Variants in ANGPT2 observed in about 807,000 individuals in gnomAD.
ANGPT2 encodes angiopoietin 2.
In ANGPT2, 28 loss-of-function variants were observed where a neutral mutation model predicts 62.9. That is an observed-to-expected ratio of 0.44 (90% CI 0.33 to 0.61). ANGPT2 has a LOEUF of 0.61. ANGPT2 is among the 20% of genes least tolerant of loss of function. The pLI is 0.03. For synonymous variants in ANGPT2, 284 were observed against 207.8 expected (o/e 1.37, Z -3.15); for missense variants, 727 against 594.9 (o/e 1.22, Z -2.31).
intron 1 of ANGPT2, among the ~76,000 whole-genome samples, chr8:6,537,954 A>T (rs1430604158): frequency 6.6e-6 from 1 of 152,142 alleles, no homozygotes; most frequent in African/African-American, 2.4e-5. Flanking sequence ...TGAGTGACCT[A>T]AGGTGGACAA....
intron 1 of ANGPT2, among the ~76,000 whole-genome samples, chr8:6,536,658 A>G (rs17552444): frequency 0.22 from 33,460 of 152,162 alleles, 4,785 homozygotes; most frequent in Middle Eastern, 0.39. Context: ...TGTCCATCAT[A>G]TAGTATAAAA....
At chr8:6,511,612 G>T (rs995191343) in intron 7 of ANGPT2, among the ~76,000 whole-genome samples, 6 of 152,226 alleles carry the variant, frequency 3.9e-5, no homozygotes, top group African/African-American at 1.4e-4. Context: ...GCAGTTATGA[G>T]AAGTTTCAGT....
intron 1 of ANGPT2, 42 bp downstream of exon 1, chr8:6,562,605 C>T: frequency 2.3e-6 from 2 of 885,278 alleles, no homozygotes; most frequent in Non-Finnish European, 1.5e-6. Context: ...CCAAGCTGAT[C>T]TTAATAGCAT....
At chr8:6,550,578 T>C (rs1271947588) in intron 1 of ANGPT2, among the ~76,000 whole-genome samples, 3 of 152,144 alleles carry the variant, frequency 2.0e-5, no homozygotes, top group East Asian at 1.9e-4. Context: ...GTGCTTCTGG[T>C]GTGACAGCTG....
intron 1 of ANGPT2, among the ~76,000 whole-genome samples, chr8:6,546,347 C>T (rs1822572897): frequency 1.3e-5 from 2 of 152,274 alleles, no homozygotes; most frequent in Admixed American, 6.5e-5. Context: ...TCAGCTTGTA[C>T]CTCTGTAAAG....
intron 1 of ANGPT2, among the ~76,000 whole-genome samples, chr8:6,535,912 C>T (rs538735194): frequency 5.0e-4 from 75 of 150,658 alleles, no homozygotes; most frequent in African/African-American, 1.7e-3. Flanking sequence ...AAAAAATTAG[C>T]TTGGCCTGGT....
At chr8:6,514,650 T>G (rs1213334059) in intron 6 of ANGPT2, 27 bp downstream of exon 6, 2 of 1,596,664 alleles carry the variant, frequency 1.3e-6, no homozygotes, top group Non-Finnish European at 1.7e-6. Context: ...GGAAATTCTT[T>G]TCTGATGCCT....
In ANGPT2 at chr8:6,526,543, G is replaced by T. The variant is rs571559310; in HGVS notation, c.566+1012C>A. 1.6e-4 allele frequency among the ~76,000 whole-genome samples: 25 copies of T among 152,120 alleles called. No homozygotes were observed. In the South Asian group the frequency reaches 5.0e-3, roughly 30 times the overall value. On this transcript the variant is annotated intron_variant, in intron 3 of 8. Transcript: ENST00000629816. ...TAGAGGAGAAATCTGAAACATGAAA[G>T]AAAAATATTTGAATTTTAAAAATCT... is the stretch of plus-strand genomic sequence containing the variant.
At chr8:6,520,962 C>A (rs1327889141) in intron 4 of ANGPT2, among the ~76,000 whole-genome samples, 10 of 152,146 alleles carry the variant, frequency 6.6e-5, no homozygotes. Context: ...CTCTTTACTG[C>A]CATGAATCAA....
At chr8:6,513,113 C>T (rs966873688) in intron 7 of ANGPT2, among the ~76,000 whole-genome samples, 8 of 152,176 alleles carry the variant, frequency 5.3e-5, no homozygotes, top group Non-Finnish European at 1.0e-4. Flanking sequence ...CAATTATCTA[C>T]CAGGCAGAGT....
At position 6,505,839 on chromosome 8, in the gene ANGPT2, A is replaced by T. The variant is rs905883066; in HGVS notation, c.1328-2578T>A. Among the ~76,000 whole-genome samples the T allele has an allele frequency of 5.0e-5, 7 of 139,614 alleles. 1 individual carries two copies. The highest frequency in any genetic ancestry group is 1.5e-4 in the Admixed American group (2 of 13,642). The allele number at this position is 139,614 out of a possible 152,430, so 91.6% of individuals were successfully genotyped here. A position where few individuals can be genotyped will look rare whatever the true frequency, so the allele number is the denominator to read the frequency against. On this transcript the variant is annotated intron_variant, in intron 8 of 8. Coordinates refer to ENST00000629816, the MANE Select transcript of ANGPT2 (RefSeq NM_001118887.2). ...TATATGTATATATAAAAACATGCAT[A>T]TTCTTTATATATGTATATATAAAAA...
At chr8:6,522,357 A>G (rs2515448) in intron 3 of ANGPT2, among the ~76,000 whole-genome samples, 11,299 of 149,786 alleles carry the variant, frequency 0.075, 502 homozygotes, top group African/African-American at 0.12. Flanking sequence ...TCCGTCTCAA[A>G]AAAAAAGAAA....
In ANGPT2 at chr8:6,519,912, C is replaced by G. The variant is rs1961222; in HGVS notation, c.879G>C (p.Thr293=). 5 of 1,612,988 alleles carry G rather than the reference C, an allele frequency of 3.1e-6. No individual in the cohort carries two copies. Among genetic ancestry groups the G allele is most frequent in the Admixed American group, 1.7e-5 (1 of 59,880 alleles). ...GGAATGTTAACGTGTAGATGCCATT[C>G]GTGGTGTGTCCTGATTTGAATACTT... ...CAEVFKSGHT[T]NGIYTLTFPN... The change falls in exon 5 of 9, where the codon ACG becomes ACC. Residue 293 remains threonine, a synonymous_variant. Coordinates refer to ENST00000629816, the MANE Select transcript of ANGPT2 (RefSeq NM_001118887.2).
intron 3 of ANGPT2, 133 bp downstream of exon 3, chr8:6,527,422 C>G: frequency 9.3e-7 from 1 of 1,077,344 alleles, no homozygotes; most frequent in Non-Finnish European, 1.3e-6. Flanking sequence ...CCCTTCTCCT[C>G]CCTCATGAGG....
chr8:6,521,081 T>G, intron 4 of ANGPT2, 97 bp downstream of exon 4: 1 of 832,750 alleles, frequency 1.2e-6, no homozygotes, highest in Non-Finnish European at 1.9e-6. Flanking sequence ...ATATGAGAAA[T>G]AGCGCCTTTT....
In ANGPT2 at chr8:6,522,241, G is replaced by T. The variant is rs1056588599; in HGVS notation, c.567-831C>A. ...GTGGTGGCGGGCGCCTGTAGTCACAGCTACTCTGGAGGCTGAGGCAGGAGA... is the reference window on the plus strand; with the variant it reads ...GTGGTGGCGGGCGCCTGTAGTCACATCTACTCTGGAGGCTGAGGCAGGAGA... On this transcript the variant is annotated intron_variant, in intron 3 of 8. Transcript: ENST00000629816. Among the ~76,000 whole-genome samples, 3 of 152,090 alleles carry T rather than the reference G, an allele frequency of 2.0e-5. No homozygotes were observed. The East Asian group carries it at 5.8e-4, about 29-fold the overall frequency.
intron 1 of ANGPT2, among the ~76,000 whole-genome samples, chr8:6,544,071 C>T (rs1257402830): frequency 6.6e-6 from 1 of 152,152 alleles, no homozygotes; most frequent in East Asian, 1.9e-4. Context: ...TATTCAATAC[C>T]TAGATGATGT....
chr8:6,519,941 C>T lies in ANGPT2; in HGVS notation c.850G>A (p.Ala284Thr). 2 of 1,614,074 alleles carry T rather than the reference C, an allele frequency of 1.2e-6. No homozygotes were observed. The highest frequency in any genetic ancestry group is 1.7e-6 in the Non-Finnish European group (2 of 1,179,936). Residue 284 changes from alanine (A) to threonine (T), a missense_variant, in exon 5 of 9, where the codon GCT becomes ACT. Transcript: ENST00000629816. ...GTGTGTCCTGATTTGAATACTTCAG[C>T]ACAGTCTCTGAAGCTGATTTGTTCT... Reference protein sequence around the residue: ...KEEQISFRDCAEVFKSGHTTN... With the variant: ...KEEQISFRDCTEVFKSGHTTN...
intron 1 of ANGPT2, among the ~76,000 whole-genome samples, chr8:6,552,105 A>C (rs1263916512): frequency 1.3e-5 from 2 of 152,200 alleles, no homozygotes; most frequent in African/African-American, 4.8e-5. Context: ...CCTCTAAGAA[A>C]TTCTGAATCT....
Sources: gnomAD v4.1 joint callset for allele counts (sites outside exome capture counted in the v4.1 genomes callset) on GRCh38, gnomAD v4.1.1 for gene constraint, MANE v1.5 for transcripts, NCBI Gene and HGNC (gene_info 2026-07-23, HGNC 2026-07-21) for gene names.